SIM1: variants seen among roughly 807,000 people sequenced by gnomAD.
SIM1 encodes SIM bHLH transcription factor 1, also known as single-minded homolog 1.
A neutral mutation model predicts 78.2 loss-of-function variants in SIM1; 18 were observed. The observed-to-expected ratio is 0.23, with a 90% CI of 0.16 to 0.34. The LOEUF is 0.34. Ranked by LOEUF, SIM1 falls within the 10% of genes least tolerant of loss-of-function variation. The probability of loss-of-function intolerance (pLI) is 1.00; values close to 1 mark genes in which losing one functional copy is unlikely to be tolerated. For missense variants in SIM1, 939 were observed against 975.1 expected, an observed-to-expected ratio of 0.96 and a Z score of 0.49; for synonymous variants, 417 against 385.2, an observed-to-expected ratio of 1.08 and a Z score of -0.97.
At position 100,463,564 on chromosome 6, in the gene SIM1, A is replaced by G; in HGVS notation, c.-96T>C. 1 of 1,142,454 alleles carries G rather than the reference A, an allele frequency of 8.8e-7. No individual in the cohort carries two copies. The allele number at this position is 1,142,454 out of a possible 1,614,324, so 70.8% of individuals were successfully genotyped here. On this transcript the variant is annotated 5_prime_UTR_variant, in exon 2 of 12. Transcript: ENST00000369208. ...CAATTAGAGATCATATTTGGCAAAA[A>G]CATAAAACATACTTTGAATAAAGAG...
chr6:100,413,873 G>A (rs1183228727), intron 10 of SIM1, among the ~76,000 whole-genome samples: 1 of 152,104 alleles, frequency 6.6e-6, no homozygotes, highest in Non-Finnish European at 1.5e-5. Context: ...CCTACTGTTA[G>A]TTCCCTTCCA....
Position 100,423,131 on chromosome 6 carries a change from A to G in SIM1, c.999-2173T>C, listed in dbSNP as rs147570572. 2.0e-3 allele frequency among the ~76,000 whole-genome samples: 302 copies of G among 152,366 alleles called. 1 individual carries two copies. Among genetic ancestry groups the G allele is most frequent in the Middle Eastern group, 0.014 (4 of 294 alleles). ...CTCTAATCAACTCCAAGGACCATAT[A>G]GACTCTGAGCACTCTGTCAGAAATG... On this transcript the variant is annotated intron_variant, in intron 9 of 11. Transcript: ENST00000369208.
Position 100,448,171 on chromosome 6 carries a change from G to A in SIM1, c.825C>T (p.Phe275=), listed in dbSNP as rs71566344. ...LYHHVHGCDT[F]HLRCAHHLLL... ...GCAAATGGTGCGCGCAGCGCAGGTG[G>A]AAGGTGTCGCAGCCGTGCACATGGT... Residue 275 remains phenylalanine, a synonymous_variant, in exon 8 of 12, where the codon TTC becomes TTT. Transcript: ENST00000369208. 6.2e-7 allele frequency: 1 copy of A among 1,613,560 alleles called. No homozygotes were observed. Among genetic ancestry groups the A allele is most frequent in the Non-Finnish European group, 8.5e-7 (1 of 1,179,912 alleles).
intron 9 of SIM1, among the ~76,000 whole-genome samples, chr6:100,425,425 A>C (rs189483134): frequency 1.3e-5 from 2 of 152,180 alleles, no homozygotes; most frequent in East Asian, 3.9e-4. Flanking sequence ...GCAAATGGGG[A>C]CCTTATGCTC....
chr6:100,393,540 C>G lies in SIM1; in HGVS notation c.1517G>C (p.Arg506Thr). The G allele has an allele frequency of 6.3e-7, 1 of 1,598,736 alleles. No individual in the cohort carries two copies. The highest frequency in any genetic ancestry group is 8.5e-7 in the Non-Finnish European group (1 of 1,169,646). ...LPLTKASPES[R>T]EAYENSMPHI... ...AGGCATGCTGTTTTCATAGGCTTCT[C>G]TGCTTTCTGGGGAGGCCTTTGTCAG... Residue 506 changes from arginine to threonine, a missense_variant, in exon 11 of 12, where the codon AGA (arginine) becomes ACA (threonine). This residue lies in a region of SIM1 where 556 missense variants were observed against 521.9 expected (regional missense o/e 1.07). Coordinates refer to ENST00000369208, the MANE Select transcript of SIM1 (RefSeq NM_005068.3).
chr6:100,446,433 A>G (rs1772356463), intron 9 of SIM1, among the ~76,000 whole-genome samples: 1 of 152,202 alleles, frequency 6.6e-6, no homozygotes, highest in South Asian at 2.1e-4. Flanking sequence ...GGAGAGCGCA[A>G]CAGCACACAC....
At chr6:100,412,590 AGAAAGAAAGAAAGAAAGAAAG>A (rs1771231758) in intron 10 of SIM1, among the ~76,000 whole-genome samples, 1 of 116,982 alleles carries the variant, frequency 8.5e-6, no homozygotes, top group South Asian at 2.8e-4. Flanking sequence ...AAAGAAAGAA[AGAAAGAAAGAAAGAAAGAAAG>A]GAAAGAAAGA....
chr6:100,419,149 G>A (rs1231065848), intron 10 of SIM1, among the ~76,000 whole-genome samples: 1 of 152,182 alleles, frequency 6.6e-6, no homozygotes, highest in Non-Finnish European at 1.5e-5. Context: ...CTGGGCAACA[G>A]TGCGAGACTC....
chr6:100,401,921 A>G (rs1770925027), intron 10 of SIM1, among the ~76,000 whole-genome samples: 1 of 152,212 alleles, frequency 6.6e-6, no homozygotes, highest in Non-Finnish European at 1.5e-5. Flanking sequence ...GTTATCAACT[A>G]GCAATTTCAG....
At chr6:100,429,388 C>G (rs1315969695) in intron 9 of SIM1, among the ~76,000 whole-genome samples, 1 of 148,890 alleles carries the variant, frequency 6.7e-6, no homozygotes, top group Non-Finnish European at 1.5e-5. Flanking sequence ...AAAAAACACA[C>G]TATATACAAG....
chr6:100,448,802 C>G (rs556833712), intron 6 of SIM1, 124 bp from the exon 7 acceptor site: 3 of 802,252 alleles, frequency 3.7e-6, no homozygotes, highest in Non-Finnish European at 5.8e-6. Context: ...CACGCCCGTG[C>G]ACTAAGGAAT....
intron 2 of SIM1, among the ~76,000 whole-genome samples, chr6:100,457,390 G>T (rs1772693526): frequency 6.6e-6 from 1 of 152,180 alleles, no homozygotes; most frequent in South Asian, 2.1e-4. Context: ...ACTGAGGAGG[G>T]GAAAGCCCTC....
chr6:100,464,196 C>T (rs73494628), intron 1 of SIM1, among the ~76,000 whole-genome samples: 372 of 152,332 alleles, frequency 2.4e-3, no homozygotes, highest in African/African-American at 8.4e-3. Flanking sequence ...TCTGAAGACC[C>T]GCAAGGGATC....
At chr6:100,454,915 A>G (rs1034205205) in intron 2 of SIM1, among the ~76,000 whole-genome samples, 1 of 152,184 alleles carries the variant, frequency 6.6e-6, no homozygotes, top group Non-Finnish European at 1.5e-5. Flanking sequence ...AAATTATTTT[A>G]ACTAGGTAGT....
At position 100,390,404 on chromosome 6, in the gene SIM1, T is replaced by C. The variant is rs766913954; in HGVS notation, c.2258A>G (p.Gln753Arg). The change falls in exon 12 of 12, where the codon CAA (glutamine) becomes CGA (arginine). Residue 753 changes from glutamine (Q) to arginine (R), a missense_variant. By Grantham distance (43) the Gln-to-Arg change is conservative. Around this residue, in one of 5 missense-constraint regions of SIM1, gnomAD observed 556 missense variants for 521.9 expected, o/e 1.07. Coordinates refer to ENST00000369208, the MANE Select transcript of SIM1 (RefSeq NM_005068.3). ...SHLRMQPDPA[Q>R]GHKGTSVIIT... ...TATAACAGATGTTCCCTTGTGTCCT[T>C]GTGCTGGGTCTGGTTGCATCCTCAG... 1.6e-5 allele frequency: 26 copies of C among 1,614,030 alleles called. 1 individual carries two copies. In the East Asian group the frequency reaches 5.6e-4, roughly 35 times the overall value.
rs929045999 is a variant in SIM1 at position 100,464,515 on chromosome 6, C to A, written c.-468+99G>T. On this transcript the variant is annotated intron_variant, in intron 1 of 11. Coordinates refer to ENST00000369208, the MANE Select transcript of SIM1 (RefSeq NM_005068.3). ...GTGGCGCGCTCGCGACAGCCCCTCG[C>A]AGGCTCCCCCGGGGGTGGGAGGCGC... 3.3e-5 allele frequency: 5 copies of A among 152,288 alleles called. No individual in the cohort carries two copies. The East Asian group carries it at 7.8e-4, about 24-fold the overall frequency. 9.4% of individuals were successfully genotyped at this position (152,288 alleles called of 1,614,324 possible). A position where few individuals can be genotyped will look rare whatever the true frequency, so the allele number is the denominator to read the frequency against.
chr6:100,390,026 G>A lies in SIM1; in HGVS notation c.*335C>T. 1 of 397,962 alleles carries A rather than the reference G, an allele frequency of 2.5e-6. No homozygotes were observed. The highest frequency in any genetic ancestry group is 4.4e-6 in the Non-Finnish European group (1 of 224,848). The allele number at this position is 397,962 out of a possible 1,614,324, so 24.7% of individuals were successfully genotyped here. Reference sequence around the variant, plus strand: ...TAGTTTGTGTGTTTGAGGATCACTGGATAGTCACAATGCAATGTTGTCATT... The same window carrying A: ...TAGTTTGTGTGTTTGAGGATCACTGAATAGTCACAATGCAATGTTGTCATT... On this transcript the variant is annotated 3_prime_UTR_variant, in exon 12 of 12. Coordinates refer to ENST00000369208, the MANE Select transcript of SIM1 (RefSeq NM_005068.3).
rs958850662 is a variant in SIM1, at chr6:100,388,227, T to A, written c.*2134A>T. 2 of 152,336 alleles carry A rather than the reference T, an allele frequency of 1.3e-5. No homozygotes were observed. Among genetic ancestry groups the A allele is most frequent in the Non-Finnish European group, 1.5e-5 (1 of 68,014 alleles). 9.4% of individuals were successfully genotyped at this position (152,336 alleles called of 1,614,324 possible). ...AGTTGGTTCCAGGATTACCCCCATATAATCAAATTCTCACATACTCAAGTC... is the reference window on the plus strand; with the variant it reads ...AGTTGGTTCCAGGATTACCCCCATAAAATCAAATTCTCACATACTCAAGTC... On this transcript the variant is annotated 3_prime_UTR_variant, in exon 12 of 12. Coordinates refer to ENST00000369208, the MANE Select transcript of SIM1 (RefSeq NM_005068.3).
In SIM1 at chr6:100,407,513, T is replaced by A. The variant is rs141000327; in HGVS notation, c.1167+13277A>T. Among the ~76,000 whole-genome samples the A allele has an allele frequency of 1.6e-4, 25 of 152,276 alleles. No individual in the cohort carries two copies. The East Asian group carries it at 4.1e-3, about 25-fold the overall frequency. On this transcript the variant is annotated intron_variant, in intron 10 of 11. Transcript: ENST00000369208. ...ATATCATAGTTCTATTTTTAATTTT[T>A]TGAAGAACTTTCATACCATTTTACA... is the stretch of plus-strand genomic sequence containing the variant.
Sources: gnomAD v4.1 joint callset for allele counts (sites outside exome capture counted in the v4.1 genomes callset) on GRCh38, gnomAD v4.1.1 for gene constraint, gnomAD v4.1.1 regional missense constraint, MANE v1.5 for transcripts, NCBI Gene and HGNC (gene_info 2026-07-23, HGNC 2026-07-21) for gene names.